TIAM1: variants seen among roughly 807,000 people sequenced by gnomAD.
The protein encoded by TIAM1 is rho guanine nucleotide exchange factor TIAM1.
A neutral mutation model predicts 163.5 loss-of-function variants in TIAM1; 65 were observed. That is an observed-to-expected ratio of 0.40 (90% CI 0.33 to 0.49). TIAM1 has a LOEUF of 0.49. Among genes scored for constraint, TIAM1 ranks in the 20% least tolerant of loss-of-function variants. The pLI, the probability that TIAM1 is intolerant of heterozygous loss-of-function variation, is 0.77. For synonymous variants in TIAM1, 833 were observed against 810.1 expected, an observed-to-expected ratio of 1.03 and a Z score of -0.48; for missense variants, 1,789 against 2,044.7, an observed-to-expected ratio of 0.87 and a Z score of 2.41.
chr21:31,473,104 C>T (rs544761749), intron 1 of TIAM1, among the ~76,000 whole-genome samples: 5 of 152,152 alleles, frequency 3.3e-5, no homozygotes, highest in Non-Finnish European at 7.4e-5. Flanking sequence ...GGTTTTCCCA[C>T]TCTGTTGTCT....
At chr21:31,368,960 T>C (rs845689) in intron 2 of TIAM1, among the ~76,000 whole-genome samples, 107,265 of 152,052 alleles carry the variant, frequency 0.71, 38,360 homozygotes, top group Middle Eastern at 0.84. Context: ...GGATGATAGG[T>C]CGGGCGTGGT....
At chr21:31,525,736 T>A (rs1372213854) in intron 1 of TIAM1, among the ~76,000 whole-genome samples, 2 of 151,926 alleles carry the variant, frequency 1.3e-5, no homozygotes, top group Non-Finnish European at 2.9e-5. Flanking sequence ...GGTGACACAT[T>A]AATTATGTCA....
At chr21:31,430,218 AAAAAAAAAT>A (rs1433481240) in intron 2 of TIAM1, among the ~76,000 whole-genome samples, 4 of 109,886 alleles carry the variant, frequency 3.6e-5, no homozygotes, top group South Asian at 5.3e-4. Context: ...AAGAAAAAAA[AAAAAAAAAT>A]ATATATATAT....
intron 1 of TIAM1, among the ~76,000 whole-genome samples, chr21:31,549,754 G>A (rs757895151): frequency 2.0e-5 from 3 of 152,180 alleles, no homozygotes; most frequent in Non-Finnish European, 2.9e-5. Flanking sequence ...AAATAATCTG[G>A]TAGTTCCTCA....
intron 13 of TIAM1, among the ~76,000 whole-genome samples, chr21:31,191,129 C>G (rs533980256): frequency 3.9e-5 from 6 of 152,194 alleles, no homozygotes; most frequent in South Asian, 4.2e-4. Flanking sequence ...AATGATTTAA[C>G]TGAGCTTATT....
chr21:31,442,457 G>C (rs182633777), intron 2 of TIAM1, among the ~76,000 whole-genome samples: 1 of 151,870 alleles, frequency 6.6e-6, no homozygotes, highest in Non-Finnish European at 1.5e-5. Context: ...GGTATGGAAC[G>C]TCTGACTTCA....
intron 25 of TIAM1, among the ~76,000 whole-genome samples, chr21:31,127,705 C>A (rs1050833598): frequency 1.3e-5 from 2 of 152,268 alleles, no homozygotes; most frequent in South Asian, 4.1e-4. Context: ...CGTGAGCCAC[C>A]GCGCCCGGCC....
At chr21:31,380,282 C>T (rs564804849) in intron 2 of TIAM1, among the ~76,000 whole-genome samples, 12 of 151,830 alleles carry the variant, frequency 7.9e-5, no homozygotes, top group Admixed American at 1.3e-4. Flanking sequence ...AAGTGGCTCA[C>T]GCTGTAATCC....
chr21:31,500,719 G>C (rs1012312885), intron 1 of TIAM1, among the ~76,000 whole-genome samples: 5 of 152,172 alleles, frequency 3.3e-5, no homozygotes, highest in Non-Finnish European at 7.3e-5. Context: ...ACAAGTCAAG[G>C]AACTCCAAAG....
chr21:31,150,191 T>C (rs1037311801), intron 19 of TIAM1, among the ~76,000 whole-genome samples: 2 of 152,204 alleles, frequency 1.3e-5, no homozygotes, highest in African/African-American at 4.8e-5. Context: ...AATGAACACC[T>C]ATAATATATA....
intron 2 of TIAM1, among the ~76,000 whole-genome samples, chr21:31,359,474 A>G (rs1242826979): frequency 6.6e-6 from 1 of 152,132 alleles, no homozygotes; most frequent in African/African-American, 2.4e-5. Context: ...AAACAAAGAA[A>G]GAAAGAGAAG....
intron 2 of TIAM1, among the ~76,000 whole-genome samples, chr21:31,384,367 C>T (rs1160633392): frequency 7.0e-6 from 1 of 142,018 alleles, no homozygotes; most frequent in Non-Finnish European, 1.5e-5. Context: ...GAGTTCAAGA[C>T]CAGCCTGAGC....
chr21:31,542,627 A>G (rs1464391629), intron 1 of TIAM1, among the ~76,000 whole-genome samples: 2 of 151,974 alleles, frequency 1.3e-5, no homozygotes, highest in Non-Finnish European at 2.9e-5. Flanking sequence ...TTCCGCAACC[A>G]TTTGCAGGTT....
intron 1 of TIAM1, among the ~76,000 whole-genome samples, chr21:31,476,557 A>T (rs1248841246): frequency 6.6e-6 from 1 of 152,240 alleles, no homozygotes; most frequent in African/African-American, 2.4e-5. Flanking sequence ...GATGACAACA[A>T]TCATAAATAT....
chr21:31,365,426 T>C (rs1339787079), intron 2 of TIAM1, among the ~76,000 whole-genome samples: 1 of 149,104 alleles, frequency 6.7e-6, no homozygotes, highest in Non-Finnish European at 1.5e-5. Flanking sequence ...TCTCGCTCTG[T>C]CGCCCAGGCT....
At chr21:31,458,828 T>C (rs2045214961) in intron 2 of TIAM1, among the ~76,000 whole-genome samples, 1 of 151,878 alleles carries the variant, frequency 6.6e-6, no homozygotes, top group Admixed American at 6.6e-5. Flanking sequence ...GGGGAGGCGA[T>C]ATTTGAGCCA....
At chr21:31,162,958 A>C (rs79467553) in intron 16 of TIAM1, among the ~76,000 whole-genome samples, 2,342 of 152,246 alleles carry the variant, frequency 0.015, 18 homozygotes, top group Middle Eastern at 0.044. Flanking sequence ...CCAGTCAGCA[A>C]AGCCCTGGAG....
chr21:31,512,653 TGTCACCCA>T (rs2047250630), intron 1 of TIAM1, among the ~76,000 whole-genome samples: 1 of 146,480 alleles, frequency 6.8e-6, no homozygotes, highest in African/African-American at 2.6e-5. Flanking sequence ...GGTCTCACTC[TGTCACCCA>T]GACTAAAGTG....
At chr21:31,423,248 G>A (rs1555975714) in intron 2 of TIAM1, among the ~76,000 whole-genome samples, 1 of 151,672 alleles carries the variant, frequency 6.6e-6, no homozygotes, top group South Asian at 2.1e-4. Flanking sequence ...ACAGGCGCCC[G>A]CCACCACACC....
Sources: gnomAD v4.1 joint callset for allele counts (sites outside exome capture counted in the v4.1 genomes callset) on GRCh38, gnomAD v4.1.1 for gene constraint, MANE v1.5 for transcripts, NCBI Gene and HGNC (gene_info 2026-07-23, HGNC 2026-07-21) for gene names.